The following SEMA6D variants were observed in gnomAD, a reference collection of about 807,000 sequenced individuals.
SEMA6D encodes semaphorin-6D.
A neutral mutation model predicts 106.6 loss-of-function variants in SEMA6D; 35 were observed. The observed-to-expected ratio is 0.33, with a 90% CI of 0.25 to 0.44. The LOEUF (loss-of-function observed/expected upper bound fraction) is 0.44. Among genes scored for constraint, SEMA6D ranks in the 20% least tolerant of loss-of-function variants. The pLI, the probability that SEMA6D is intolerant of heterozygous loss-of-function variation, is 1.00. For missense variants in SEMA6D, 1,185 were observed against 1,345.9 expected (o/e 0.88, Z 1.87); for synonymous variants, 499 against 487.7 (o/e 1.02, Z -0.31).
chr15:47,466,775 C>G (rs2042674976), intron 2 of SEMA6D, among the ~76,000 whole-genome samples: 1 of 150,536 alleles, frequency 6.6e-6, no homozygotes, highest in Non-Finnish European at 1.5e-5. Flanking sequence ...TCCAGGCTCA[C>G]CAGCTTAGAG....
At chr15:47,382,116 G>A (rs35115030) in intron 1 of SEMA6D, among the ~76,000 whole-genome samples, 20,695 of 151,970 alleles carry the variant, frequency 0.14, 1,849 homozygotes, top group Middle Eastern at 0.25. Context: ...GTAAAGTGTC[G>A]CCATATTAAC....
intron 3 of SEMA6D, among the ~76,000 whole-genome samples, chr15:47,581,695 C>G (rs1471091366): frequency 6.6e-6 from 1 of 152,162 alleles, no homozygotes; most frequent in Non-Finnish European, 1.5e-5. Flanking sequence ...GGAACAGTAG[C>G]TGGTTTCAAC....
At chr15:47,368,813 T>C (rs543080702) in intron 1 of SEMA6D, among the ~76,000 whole-genome samples, 1 of 152,336 alleles carries the variant, frequency 6.6e-6, no homozygotes, top group South Asian at 2.1e-4. Context: ...TGTCTGACTT[T>C]CTTCTACTTC....
chr15:47,276,160 T>G (rs2034802728), intron 1 of SEMA6D, among the ~76,000 whole-genome samples: 1 of 152,120 alleles, frequency 6.6e-6, no homozygotes, highest in Non-Finnish European at 1.5e-5. Context: ...AAAGAACCTC[T>G]GTAACATAAC....
At chr15:47,444,827 T>A (rs1019279918) in intron 2 of SEMA6D, among the ~76,000 whole-genome samples, 10 of 152,080 alleles carry the variant, frequency 6.6e-5, no homozygotes, top group African/African-American at 2.2e-4. Flanking sequence ...TGCACTCTTT[T>A]AGCTTTGCCA....
intron 1 of SEMA6D, among the ~76,000 whole-genome samples, chr15:47,348,718 C>CAGAGAGAGAGAGA (rs1379277513): frequency 5.2e-4 from 25 of 48,058 alleles, no homozygotes; most frequent in African/African-American, 1.4e-3. Flanking sequence ...CACACACACA[C>CAGAGAGAGAGAGA]CACACACACA....
intron 1 of SEMA6D, among the ~76,000 whole-genome samples, chr15:47,260,809 C>A (rs1218035219): frequency 6.6e-6 from 1 of 152,104 alleles, no homozygotes; most frequent in Non-Finnish European, 1.5e-5. Context: ...TTATCAGTAG[C>A]AAGACTCCTG....
At chr15:47,269,876 C>T (rs918606683) in intron 1 of SEMA6D, among the ~76,000 whole-genome samples, 1 of 151,818 alleles carries the variant, frequency 6.6e-6, no homozygotes, top group Non-Finnish European at 1.5e-5. Context: ...TGAATTAGCT[C>T]ATATATACAT....
At chr15:47,496,756 C>T (rs1225730549) in intron 3 of SEMA6D, among the ~76,000 whole-genome samples, 1 of 151,954 alleles carries the variant, frequency 6.6e-6, no homozygotes, top group Non-Finnish European at 1.5e-5. Context: ...TAAGAATTTG[C>T]AACATTCTAG....
At chr15:47,222,297 G>C (rs1407662358) in intron 1 of SEMA6D, among the ~76,000 whole-genome samples, 2 of 152,148 alleles carry the variant, frequency 1.3e-5, no homozygotes, top group African/African-American at 4.8e-5. Flanking sequence ...GGTCAGAAAG[G>C]GACTGTTGCT....
intron 1 of SEMA6D, among the ~76,000 whole-genome samples, chr15:47,306,068 G>A (rs2036219595): frequency 6.6e-6 from 1 of 151,712 alleles, no homozygotes; most frequent in Non-Finnish European, 1.5e-5. Context: ...TGCAATCTCT[G>A]CCTCCTGGGT....
At position 47,772,907 on chromosome 15, in the gene SEMA6D, C is replaced by T. The variant is rs1190379328; in HGVS notation, c.*1122C>T. 6.9e-6 allele frequency: 1 copy of T among 144,794 alleles called. No homozygotes were observed. The highest frequency in any genetic ancestry group is 1.5e-5 in the Non-Finnish European group (1 of 67,228). The allele number at this position is 144,794 out of a possible 1,614,324, so 9.0% of individuals were successfully genotyped here. ...ACAAAAATAGAAGACAAAAGAAAGA[C>T]ATATGAAAGGAATTGTAATTGGCTT... On this transcript the variant is annotated 3_prime_UTR_variant, in exon 19 of 19. Transcript: ENST00000536845.
At chr15:47,424,357 A>T (rs886656925) in intron 2 of SEMA6D, among the ~76,000 whole-genome samples, 1 of 152,126 alleles carries the variant, frequency 6.6e-6, no homozygotes, top group African/African-American at 2.4e-5. Context: ...AGAAAAAAAA[A>T]AGAAAATTAG....
At chr15:47,636,241 G>T (rs532285610) in intron 4 of SEMA6D, among the ~76,000 whole-genome samples, 2 of 152,282 alleles carry the variant, frequency 1.3e-5, no homozygotes, top group Admixed American at 1.3e-4. Context: ...GTAATAAAAT[G>T]AAATTTAAAA....
intron 2 of SEMA6D, among the ~76,000 whole-genome samples, chr15:47,465,603 G>T (rs2042634388): frequency 6.6e-6 from 1 of 152,134 alleles, no homozygotes; most frequent in African/African-American, 2.4e-5. Context: ...CTTTTTCCTT[G>T]CTGGTGTCAT....
intron 3 of SEMA6D, among the ~76,000 whole-genome samples, chr15:47,535,039 G>A (rs1237892110): frequency 6.7e-6 from 1 of 148,272 alleles, no homozygotes; most frequent in Non-Finnish European, 1.5e-5. Flanking sequence ...GATCAGTCAA[G>A]CAGGAGGGAT....
At chr15:47,665,474 A>C (rs1020293161) in intron 4 of SEMA6D, among the ~76,000 whole-genome samples, 7 of 152,190 alleles carry the variant, frequency 4.6e-5, no homozygotes, top group African/African-American at 1.7e-4. Context: ...GAGAAAGGGC[A>C]TGGGCAGACT....
chr15:47,434,194 T>G (rs1465736638), intron 2 of SEMA6D, among the ~76,000 whole-genome samples: 1 of 152,058 alleles, frequency 6.6e-6, no homozygotes, highest in African/African-American at 2.4e-5. Context: ...TGAATCGATT[T>G]GGAGGCTGAG....
Position 47,771,285 on chromosome 15 carries a change from A to G in SEMA6D, c.2722A>G (p.Met908Val), listed in dbSNP as rs768813571. 3.1e-6 allele frequency: 5 copies of G among 1,613,850 alleles called. No individual in the cohort carries two copies. The highest frequency in any genetic ancestry group is 2.7e-5 in the African/African-American group (2 of 74,870). ...CATCCAGATGGCACACCAGAACTTA[A>G]TGCTGGATCCCATGGGATCGATGTC... The part of the protein sequence containing the change: ...GDIQMAHQNL[M>V]LDPMGSMSEV... The change falls in exon 19 of 19, where the codon ATG (methionine) becomes GTG (valine). Residue 908 changes from methionine (M) to valine (V), a missense_variant. Physicochemically the swap from Met to Val is conservative, Grantham distance 21 (BLOSUM62 1). Around this residue, in one of 3 missense-constraint regions of SEMA6D, gnomAD observed 750 missense variants for 783.5 expected, o/e 0.96. Transcript: ENST00000536845.
Sources: gnomAD v4.1 joint callset for allele counts (sites outside exome capture counted in the v4.1 genomes callset) on GRCh38, gnomAD v4.1.1 for gene constraint, gnomAD v4.1.1 regional missense constraint, MANE v1.5 for transcripts, NCBI Gene and HGNC (gene_info 2026-07-23, HGNC 2026-07-21) for gene names.